Variants in NHS observed in about 807,000 individuals in gnomAD.
NHS encodes the protein NHS actin remodeling regulator.
A neutral mutation model predicts 72.5 loss-of-function variants in NHS; 5 were observed. The ratio of observed to expected loss-of-function variants is 0.07; its 90% CI spans 0.04 to 0.14. NHS has a LOEUF of 0.14. NHS is among the 10% of genes least tolerant of loss of function. The probability of loss-of-function intolerance (pLI) is 1.00; values close to 1 mark genes in which losing one functional copy is unlikely to be tolerated. For missense variants in NHS, 1,072 were observed against 1,355.7 expected (o/e 0.79, Z 3.29); for synonymous variants, 464 against 547.7 (o/e 0.85, Z 2.13).
intron 1 of NHS, among the ~76,000 whole-genome samples, chrX:17,531,164 A>G (rs910586640): frequency 2.7e-5 from 3 of 109,097 alleles, no homozygotes; most frequent in African/African-American, 1.0e-4. Flanking sequence ...CTCCTTTTGG[A>G]GAGGCCAGTA....
At chrX:17,683,295 G>A (rs1323876944) in intron 1 of NHS, among the ~76,000 whole-genome samples, 5 of 112,148 alleles carry the variant, frequency 4.5e-5, no homozygotes, top group African/African-American at 1.6e-4. Flanking sequence ...TCAGTTCTTG[G>A]TTATACCTGA....
chrX:17,397,022 T>C (rs1239409561), intron 1 of NHS, among the ~76,000 whole-genome samples: 1 of 112,637 alleles, frequency 8.9e-6, no homozygotes, highest in Non-Finnish European at 1.9e-5. Flanking sequence ...TACAGTACTG[T>C]TGAAGTTAGC....
At position 17,404,723 on chromosome X, in the gene NHS, G is replaced by T. The variant is rs1454603732; in HGVS notation, c.565+28401G>T. On this transcript the variant is annotated intron_variant, in intron 1 of 8. Coordinates refer to ENST00000676302, the MANE Select transcript of NHS (RefSeq NM_001291867.2). ...CTAGCACCTCATACAGCTCCCTCTG[G>T]TCCCAACTTTGATACCACTTTTTTC... 3.7e-5 allele frequency among the ~76,000 whole-genome samples: 4 copies of T among 109,234 alleles called. No homozygotes were observed. In the South Asian group the frequency reaches 1.2e-3, roughly 33 times the overall value. The allele number at this position is 109,234 out of a possible 115,157, so 94.9% of individuals were successfully genotyped here. A position where few individuals can be genotyped will look rare whatever the true frequency, so the allele number is the denominator to read the frequency against.
At chrX:17,652,120 C>T (rs1250059071) in intron 1 of NHS, among the ~76,000 whole-genome samples, 1 of 112,361 alleles carries the variant, frequency 8.9e-6, no homozygotes, top group Non-Finnish European at 1.9e-5. Context: ...GACTACATAG[C>T]CAGCAAAGCC....
intron 2 of NHS, among the ~76,000 whole-genome samples, chrX:17,691,020 C>G (rs567888180): frequency 8.9e-6 from 1 of 111,776 alleles, no homozygotes; most frequent in African/African-American, 3.3e-5. Flanking sequence ...CAGTTTCAGG[C>G]TGTAGTGGAC....
intron 1 of NHS, among the ~76,000 whole-genome samples, chrX:17,580,360 A>G (rs2065536939): frequency 8.9e-6 from 1 of 112,046 alleles, no homozygotes; most frequent in Non-Finnish European, 1.9e-5. Flanking sequence ...TTGAGCACCT[A>G]CTACGTACCA....
At chrX:17,496,434 G>C (rs1294870243) in intron 1 of NHS, among the ~76,000 whole-genome samples, 1 of 111,534 alleles carries the variant, frequency 9.0e-6, no homozygotes, top group Non-Finnish European at 1.9e-5. Flanking sequence ...AAAAGGAAGA[G>C]CTCAGAAGTT....
chrX:17,584,746 C>T (rs747617466), intron 1 of NHS, among the ~76,000 whole-genome samples: 5 of 111,555 alleles, frequency 4.5e-5, no homozygotes, highest in Non-Finnish European at 9.4e-5. Context: ...AATACCTTTT[C>T]ACAAACAAAT....
At chrX:17,708,996 TC>T (rs1214870157) in intron 3 of NHS, among the ~76,000 whole-genome samples, 1 of 111,286 alleles carries the variant, frequency 9.0e-6, no homozygotes, top group African/African-American at 3.3e-5. Flanking sequence ...AGGATTAATT[TC>T]CTCAATCTCT....
chrX:17,683,363 C>T (rs772713719), intron 1 of NHS, among the ~76,000 whole-genome samples: 69 of 111,787 alleles, frequency 6.2e-4, no homozygotes, highest in Non-Finnish European at 1.0e-3. Context: ...TTTTGAAAAG[C>T]ACTAGATCCT....
At chrX:17,501,346 C>G (rs1294320671) in intron 1 of NHS, among the ~76,000 whole-genome samples, 1 of 95,663 alleles carries the variant, frequency 1.0e-5, no homozygotes, top group Admixed American at 1.2e-4. Flanking sequence ...GAGCAAGACC[C>G]TATCTCAAGA....
At chrX:17,724,182 T>C (rs771804447) in intron 5 of NHS, 117 bp from the exon 6 acceptor site, 52 of 944,316 alleles carry the variant, frequency 5.5e-5, no homozygotes, top group Non-Finnish European at 7.8e-5. Context: ...TTATATTTGT[T>C]CACAGGCTTA....
Position 17,521,366 on chromosome X carries a change from C to CTTTTTTTTTTTTTTTTTTTT in NHS, c.565+145057_565+145058insTTTTTTTTTTTTTTTTTTTT, listed in dbSNP as rs766662277. Among the ~76,000 whole-genome samples, 44 of 97,314 alleles carry CTTTTTTTTTTTTTTTTTTTT rather than the reference C, an allele frequency of 4.5e-4. 2 individuals are homozygous for CTTTTTTTTTTTTTTTTTTTT. The highest frequency in any genetic ancestry group is 1.9e-3 in the African/African-American group (43 of 23,131). The allele number at this position is 97,314 out of a possible 115,157, so 84.5% of individuals were successfully genotyped here. The stretch of plus-strand genomic sequence containing the variant: ...AGTTCTACCTTTTTCTCCCTTCCCT[C>CTTTTTTTTTTTTTTTTTTTT]TTTTTTTTTTTTTGAGACAGGGTCT... On this transcript the variant is annotated intron_variant, in intron 1 of 8. Coordinates refer to ENST00000676302, the MANE Select transcript of NHS (RefSeq NM_001291867.2).
At chrX:17,599,232 A>G (rs1316311746) in intron 1 of NHS, among the ~76,000 whole-genome samples, 1 of 111,958 alleles carries the variant, frequency 8.9e-6, no homozygotes, top group Non-Finnish European at 1.9e-5. Context: ...ATATAGTTCC[A>G]TTGAGTATAT....
chrX:17,474,805 C>G (rs1249556467), intron 1 of NHS, among the ~76,000 whole-genome samples: 2 of 111,213 alleles, frequency 1.8e-5, no homozygotes, highest in African/African-American at 6.5e-5. Context: ...GATGGGGTAC[C>G]TCAATCCAGA....
At chrX:17,450,964 C>T (rs988604126) in intron 1 of NHS, among the ~76,000 whole-genome samples, 3 of 111,735 alleles carry the variant, frequency 2.7e-5, no homozygotes, top group East Asian at 2.8e-4. Flanking sequence ...CCCATTCAGC[C>T]GCTAGCAAAA....
intron 1 of NHS, among the ~76,000 whole-genome samples, chrX:17,462,661 A>G (rs962070882): frequency 6.2e-5 from 7 of 112,119 alleles, no homozygotes; most frequent in African/African-American, 1.9e-4. Flanking sequence ...CATTTCACAG[A>G]TGAGGAAACC....
chrX:17,407,953 C>G (rs1201111733), intron 1 of NHS, among the ~76,000 whole-genome samples: 1 of 111,151 alleles, frequency 9.0e-6, no homozygotes, highest in East Asian at 2.8e-4. Flanking sequence ...TTCCCCATGC[C>G]CCTACCCACC....
chrX:17,457,648 A>G (rs766288312), intron 1 of NHS, among the ~76,000 whole-genome samples: 1 of 112,126 alleles, frequency 8.9e-6, no homozygotes, highest in East Asian at 2.8e-4. Flanking sequence ...AACTTACCCC[A>G]AAATCCATAG....
Sources: allele counts gnomAD v4.1 joint callset (sites outside exome capture counted in the v4.1 genomes callset), GRCh38; gene constraint gnomAD v4.1.1; transcripts MANE v1.5; gene names NCBI Gene and HGNC (gene_info 2026-07-23, HGNC 2026-07-21).